TBC1D22A: variants seen among roughly 807,000 people sequenced by gnomAD.
The protein encoded by TBC1D22A is TBC1 domain family member 22A.
TBC1D22A carries 38 observed loss-of-function variants against 60.2 expected under a neutral mutation model. The observed-to-expected ratio is 0.63, with a 90% CI of 0.49 to 0.83. TBC1D22A has a LOEUF of 0.83. Among genes scored for constraint, TBC1D22A ranks in the 40% least tolerant of loss-of-function variants. The pLI is 0.00. For synonymous variants in TBC1D22A, 302 were observed against 281.7 expected, an observed-to-expected ratio of 1.07 and a Z score of -0.72; for missense variants, 628 against 701.0, an observed-to-expected ratio of 0.90 and a Z score of 1.18.
intron 11 of TBC1D22A, among the ~76,000 whole-genome samples, chr22:47,051,489 C>T (rs1243030739): frequency 2.0e-5 from 3 of 152,152 alleles, no homozygotes; most frequent in Non-Finnish European, 4.4e-5. Flanking sequence ...ACCCTGGGTG[C>T]GGCAGGGGTG....
In TBC1D22A at chr22:47,122,767, C is replaced by T. The variant is rs949421237; in HGVS notation, c.1425+11164C>T. ...AGGCTTCACTGCGCAGAAGCAGCGG[C>T]GAGGCATCCCTCCTCACCCGTCCCC... On this transcript the variant is annotated intron_variant, in intron 12 of 12. Coordinates refer to ENST00000337137, the MANE Select transcript of TBC1D22A (RefSeq NM_014346.5). Among the ~76,000 whole-genome samples the T allele has an allele frequency of 3.9e-5, 6 of 152,216 alleles. No individual in the cohort carries two copies. The East Asian group carries it at 7.7e-4, about 20-fold the overall frequency.
At chr22:47,139,382 C>G (rs2066995740) in intron 12 of TBC1D22A, among the ~76,000 whole-genome samples, 1 of 152,208 alleles carries the variant, frequency 6.6e-6, no homozygotes, top group Non-Finnish European at 1.5e-5. Flanking sequence ...CAGGTGTGCA[C>G]CTCGAGACAG....
rs180912976 is a variant in TBC1D22A at position 46,905,666 on chromosome 22, C to G, written c.901-6408C>G. ...CTCAAGGCGGACACGCGAGGGCCAG[C>G]GGTCCCAGAAGTTGGGGCCAAGGGA... is the stretch of plus-strand genomic sequence containing the variant. On this transcript the variant is annotated intron_variant, in intron 7 of 12. Coordinates refer to ENST00000337137, the MANE Select transcript of TBC1D22A (RefSeq NM_014346.5). 3.8e-4 allele frequency among the ~76,000 whole-genome samples: 58 copies of G among 152,182 alleles called. 1 individual carries two copies. The highest frequency in any genetic ancestry group is 1.3e-3 in the African/African-American group (52 of 41,458).
At chr22:47,037,752 G>A (rs2062702542) in intron 11 of TBC1D22A, among the ~76,000 whole-genome samples, 2 of 152,222 alleles carry the variant, frequency 1.3e-5, no homozygotes, top group African/African-American at 2.4e-5. Flanking sequence ...TTCTGCCTGC[G>A]TGGTGACAGC....
intron 4 of TBC1D22A, among the ~76,000 whole-genome samples, chr22:46,817,264 T>TC (rs1373986092): frequency 2.0e-5 from 3 of 151,908 alleles, no homozygotes; most frequent in Admixed American, 6.6e-5. Context: ...GTTGTCCTTT[T>TC]TTTTTTTCTT....
At chr22:47,145,369 A>G (rs2067249692) in intron 12 of TBC1D22A, among the ~76,000 whole-genome samples, 1 of 151,984 alleles carries the variant, frequency 6.6e-6, no homozygotes, top group Non-Finnish European at 1.5e-5. Context: ...TGGAAGGAGG[A>G]CCCTGAGTGG....
At chr22:46,842,607 T>C (rs953062478) in intron 4 of TBC1D22A, among the ~76,000 whole-genome samples, 2 of 152,278 alleles carry the variant, frequency 1.3e-5, no homozygotes, top group Non-Finnish European at 2.9e-5. Context: ...CCATGAAATG[T>C]ACAAACCTGC....
chr22:47,074,200 G>C (rs985024498), intron 11 of TBC1D22A, among the ~76,000 whole-genome samples: 8 of 152,330 alleles, frequency 5.3e-5, no homozygotes, highest in Non-Finnish European at 8.8e-5. Context: ...TGATGTGGAC[G>C]ATGCGTGTCC....
At chr22:46,888,226 G>A (rs1277879786) in intron 5 of TBC1D22A, among the ~76,000 whole-genome samples, 2 of 152,336 alleles carry the variant, frequency 1.3e-5, no homozygotes, top group East Asian at 1.9e-4. Flanking sequence ...TGGCTTAGCC[G>A]TGTAGCTTAG....
chr22:47,124,584 G>T (rs2066385714), intron 12 of TBC1D22A, among the ~76,000 whole-genome samples: 1 of 152,238 alleles, frequency 6.6e-6, no homozygotes. Flanking sequence ...TGCCTGGTGT[G>T]GAGTTGGCAA....
chr22:47,039,935 C>CTTTTTTTTTTTTTTTTTTTTTTT (rs570751261), intron 11 of TBC1D22A, among the ~76,000 whole-genome samples: 1 of 77,296 alleles, frequency 1.3e-5, no homozygotes, highest in African/African-American at 6.3e-5. Context: ...GTGCCACAGC[C>CTTTTTTTTTTTTTTTTTTTTTTT]TTTTTTTTTT....
At chr22:47,083,175 C>T (rs948009899) in intron 11 of TBC1D22A, among the ~76,000 whole-genome samples, 4 of 152,182 alleles carry the variant, frequency 2.6e-5, no homozygotes, top group South Asian at 2.1e-4. Flanking sequence ...CTGGGTAGTG[C>T]GGGATTGCTG....
chr22:46,946,655 A>C (rs2072564527), intron 8 of TBC1D22A, among the ~76,000 whole-genome samples: 1 of 152,142 alleles, frequency 6.6e-6, no homozygotes, highest in African/African-American at 2.4e-5. Context: ...CCTGTTGATG[A>C]CTGAGTTTCC....
At chr22:46,913,448 T>C (rs1402204663) in intron 8 of TBC1D22A, 7 of 1,358,760 alleles carry the variant, frequency 5.2e-6, no homozygotes, top group Non-Finnish European at 6.9e-6. Flanking sequence ...CATATCCAAG[T>C]AGTGAATTTT....
rs568580376 is a variant in TBC1D22A at position 47,064,666 on chromosome 22, C to G, written c.1329+27468C>G. 8.0e-4 allele frequency among the ~76,000 whole-genome samples: 122 copies of G among 152,314 alleles called. 1 individual carries two copies. The highest frequency in any genetic ancestry group is 3.5e-3 in the Admixed American group (54 of 15,306). On this transcript the variant is annotated intron_variant, in intron 11 of 12. Transcript: ENST00000337137. ...GCTCTGTGGTGACTGTCGCCATCACCGTAACGCAGGACCAGATGATTTGGA... is the reference window on the plus strand; with the variant it reads ...GCTCTGTGGTGACTGTCGCCATCACGGTAACGCAGGACCAGATGATTTGGA...
chr22:47,160,506 A>C (rs893513493), intron 12 of TBC1D22A, among the ~76,000 whole-genome samples: 3 of 152,182 alleles, frequency 2.0e-5, no homozygotes, highest in Non-Finnish European at 4.4e-5. Flanking sequence ...GGCATCCTGC[A>C]GGCCACGTGG....
At chr22:47,150,012 G>A (rs962129880) in intron 12 of TBC1D22A, among the ~76,000 whole-genome samples, 1 of 152,142 alleles carries the variant, frequency 6.6e-6, no homozygotes, top group Non-Finnish European at 1.5e-5. Context: ...GCGGGGCTGG[G>A]CCTGTGCACC....
At position 46,883,531 on chromosome 22, in the gene TBC1D22A, A is replaced by T. The variant is rs1024375860; in HGVS notation, c.708+4808A>T. ...GGTTTTTATTGCCTGCATTCCGATG[A>T]TGACGTGCTTGCCTTTTAGAATTTG... On this transcript the variant is annotated intron_variant, in intron 5 of 12. Transcript: ENST00000337137. 7.9e-5 allele frequency among the ~76,000 whole-genome samples: 12 copies of T among 152,286 alleles called. 1 individual carries two copies. Among genetic ancestry groups the T allele is most frequent in the African/African-American group, 2.6e-4 (11 of 41,552 alleles).
At chr22:46,945,276 C>G (rs1298410422) in intron 8 of TBC1D22A, among the ~76,000 whole-genome samples, 6 of 152,190 alleles carry the variant, frequency 3.9e-5, no homozygotes, top group South Asian at 2.1e-4. Flanking sequence ...TGTATTCATT[C>G]ACTCATTCAT....
Sources: gnomAD v4.1 joint callset for allele counts (sites outside exome capture counted in the v4.1 genomes callset) on GRCh38, gnomAD v4.1.1 for gene constraint, MANE v1.5 for transcripts, NCBI Gene and HGNC (gene_info 2026-07-23, HGNC 2026-07-21) for gene names.